The following ARHGAP10 variants were observed in gnomAD, a reference collection of about 807,000 sequenced individuals.
The protein encoded by ARHGAP10 is rho GTPase-activating protein 10.
In ARHGAP10, 87 loss-of-function variants were observed where a neutral mutation model predicts 108.6. The observed-to-expected ratio is 0.80, with a 90% confidence interval of 0.67 to 0.96. ARHGAP10 has a LOEUF of 0.96. Ranked by LOEUF, ARHGAP10 falls within the 40% of genes least tolerant of loss-of-function variation. ARHGAP10 has a pLI of 0.00. For missense variants in ARHGAP10, 939 were observed against 954.5 expected, an observed-to-expected ratio of 0.98 and a Z score of 0.21; for synonymous variants, 347 against 341.1, an observed-to-expected ratio of 1.02 and a Z score of -0.19.
intron 18 of ARHGAP10, among the ~76,000 whole-genome samples, chr4:148,003,865 A>G (rs182285663): frequency 1.7e-5 from 2 of 114,352 alleles, no homozygotes; most frequent in Admixed American, 8.0e-5. Flanking sequence ...TCTTTATCCT[A>G]TTTGCCCAAC....
At chr4:147,916,565 C>A (rs1736991031) in intron 13 of ARHGAP10, 1 of 152,216 alleles carries the variant, frequency 6.6e-6, no homozygotes. Context: ...GGAGAACTGG[C>A]AGTGCCCAGA....
At chr4:147,832,764 CAT>C (rs1733007516) in intron 3 of ARHGAP10, among the ~76,000 whole-genome samples, 1 of 151,674 alleles carries the variant, frequency 6.6e-6, no homozygotes, top group Non-Finnish European at 1.5e-5. Flanking sequence ...ATCCTAACGA[CAT>C]TATGCCTTAC....
At chr4:148,068,413 T>C (rs1373578027) in intron 22 of ARHGAP10, among the ~76,000 whole-genome samples, 2 of 152,170 alleles carry the variant, frequency 1.3e-5, no homozygotes, top group Non-Finnish European at 2.9e-5. Flanking sequence ...AATTTGGCAT[T>C]ATCTTGGAAA....
intron 1 of ARHGAP10, among the ~76,000 whole-genome samples, chr4:147,779,507 C>G (rs1730442044): frequency 6.6e-6 from 1 of 152,070 alleles, no homozygotes; most frequent in Admixed American, 6.6e-5. Flanking sequence ...AGTGCAGTGT[C>G]CCCCAGATGG....
chr4:147,988,437 C>A (rs7665667), intron 18 of ARHGAP10, among the ~76,000 whole-genome samples: 113,166 of 151,990 alleles, frequency 0.74, 42,292 homozygotes, highest in South Asian at 0.81. Context: ...CCTGCCGGTC[C>A]TTTGGTCAGG....
intron 19 of ARHGAP10, among the ~76,000 whole-genome samples, chr4:148,043,736 GTA>G (rs1364994767): frequency 1.6e-5 from 2 of 128,996 alleles, no homozygotes; most frequent in Non-Finnish European, 3.2e-5. Context: ...ATATATATGT[GTA>G]TATATATGTA....
chr4:147,980,594 G>A (rs1405218516), intron 18 of ARHGAP10, among the ~76,000 whole-genome samples: 2 of 152,122 alleles, frequency 1.3e-5, no homozygotes, highest in Non-Finnish European at 1.5e-5. Context: ...TTTTGGAATT[G>A]TTCCAGTAGG....
At chr4:147,997,245 A>C (rs1023175317) in intron 18 of ARHGAP10, among the ~76,000 whole-genome samples, 4 of 152,266 alleles carry the variant, frequency 2.6e-5, no homozygotes. Context: ...AACGTATTGC[A>C]GCAGGAGGGA....
intron 1 of ARHGAP10, among the ~76,000 whole-genome samples, chr4:147,781,524 T>C (rs1438989965): frequency 6.6e-6 from 1 of 152,184 alleles, no homozygotes; most frequent in African/African-American, 2.4e-5. Flanking sequence ...GTTCATACTA[T>C]GACATTTTTG....
chr4:147,935,838 A>G (rs1462548467), intron 13 of ARHGAP10, among the ~76,000 whole-genome samples: 1 of 152,222 alleles, frequency 6.6e-6, no homozygotes, highest in South Asian at 2.1e-4. Flanking sequence ...GTTTATTTAA[A>G]TTTCATTTAA....
chr4:147,871,028 C>T (rs1020257872), intron 7 of ARHGAP10, among the ~76,000 whole-genome samples: 7 of 151,366 alleles, frequency 4.6e-5, no homozygotes, highest in Non-Finnish European at 8.8e-5. Flanking sequence ...GGCCCAGTCT[C>T]GGCTCACTGT....
chr4:147,955,987 T>C (rs1171259419), intron 16 of ARHGAP10, among the ~76,000 whole-genome samples: 2 of 152,196 alleles, frequency 1.3e-5, no homozygotes, highest in African/African-American at 4.8e-5. Flanking sequence ...TTTTCTGTTA[T>C]ATGGCTCACT....
intron 1 of ARHGAP10, among the ~76,000 whole-genome samples, chr4:147,789,206 A>G (rs1731013251): frequency 6.6e-6 from 1 of 152,200 alleles, no homozygotes; most frequent in South Asian, 2.1e-4. Context: ...TAAGTTCAGC[A>G]TGGCATAATT....
Position 147,847,210 on chromosome 4 carries a change from T to G in ARHGAP10, c.372T>G (p.Leu124=), listed in dbSNP as rs370942760. The G allele has an allele frequency of 2.5e-6, 4 of 1,612,506 alleles. No individual in the cohort carries two copies. The highest frequency in any genetic ancestry group is 3.4e-6 in the Non-Finnish European group (4 of 1,178,614). ...TGGAAAAATTCAGAAAAGAGCAACT[T>G]GGAGCTGTAAAGGTTTGTGTCTAAT... ...KPLEKFRKEQ[L]GAVKEEKKKF... The change falls in exon 4 of 23, where the codon CTT becomes CTG. Residue 124 remains leucine, a synonymous_variant. Transcript: ENST00000336498.
At chr4:147,996,673 A>G (rs916971506) in intron 18 of ARHGAP10, among the ~76,000 whole-genome samples, 6 of 152,154 alleles carry the variant, frequency 3.9e-5, no homozygotes, top group Non-Finnish European at 7.4e-5. Context: ...CCCATTTGTT[A>G]TGGACTAAAC....
At chr4:147,822,613 C>A (rs954330471) in intron 1 of ARHGAP10, 114 bp from the exon 2 acceptor site, 18 of 1,060,716 alleles carry the variant, frequency 1.7e-5, no homozygotes, top group Non-Finnish European at 2.5e-5. Context: ...CATGCCTTCT[C>A]ATAGATTGAG....
chr4:147,840,666 C>A (rs1338173948), intron 3 of ARHGAP10, among the ~76,000 whole-genome samples: 1 of 152,122 alleles, frequency 6.6e-6, no homozygotes, highest in East Asian at 1.9e-4. Flanking sequence ...GAGATTTGAG[C>A]CCAGTATGAA....
intron 1 of ARHGAP10, among the ~76,000 whole-genome samples, chr4:147,751,580 G>A (rs1729152308): frequency 6.6e-6 from 1 of 151,892 alleles, no homozygotes; most frequent in South Asian, 2.1e-4. Flanking sequence ...TGGCCAGGCT[G>A]GTCTTGAACT....
At chr4:147,989,103 C>CG (rs1456235604) in intron 18 of ARHGAP10, among the ~76,000 whole-genome samples, 2 of 152,142 alleles carry the variant, frequency 1.3e-5, no homozygotes, top group Non-Finnish European at 2.9e-5. Context: ...GCTGGGCGTC[C>CG]GGGGGAGACA....
Sources: allele counts gnomAD v4.1 joint callset (sites outside exome capture counted in the v4.1 genomes callset), GRCh38; gene constraint gnomAD v4.1.1; transcripts MANE v1.5; gene names NCBI Gene and HGNC (gene_info 2026-07-23, HGNC 2026-07-21).